The following RGS7BP variants were observed in gnomAD, a reference collection of about 807,000 sequenced individuals.
RGS7BP encodes the protein regulator of G protein signaling 7-binding protein.
In RGS7BP, 9 loss-of-function variants were observed where a neutral mutation model predicts 31.3. The ratio of observed to expected loss-of-function variants is 0.29; its 90% confidence interval spans 0.17 to 0.50. The LOEUF (loss-of-function observed/expected upper bound fraction) is 0.50. Among genes scored for constraint, RGS7BP ranks in the 20% least tolerant of loss-of-function variants. The probability of loss-of-function intolerance (pLI) is 0.98; values close to 1 mark genes in which losing one functional copy is unlikely to be tolerated. For missense variants in RGS7BP, 274 were observed against 322.0 expected, an observed-to-expected ratio of 0.85 and a Z score of 1.14; for synonymous variants, 115 against 120.1, an observed-to-expected ratio of 0.96 and a Z score of 0.28.
At chr5:64,556,599 T>C (rs986142047) in intron 2 of RGS7BP, among the ~76,000 whole-genome samples, 4 of 152,076 alleles carry the variant, frequency 2.6e-5, no homozygotes. Flanking sequence ...AAAAATGACT[T>C]TAATGTCGCC....
chr5:64,607,580 A>T (rs548436305), intron 5 of RGS7BP, among the ~76,000 whole-genome samples: 3 of 152,164 alleles, frequency 2.0e-5, no homozygotes, highest in East Asian at 3.9e-4. Context: ...CTGGGTTATT[A>T]TGATAGGGGG....
At chr5:64,542,758 A>T (rs2111815073) in intron 2 of RGS7BP, among the ~76,000 whole-genome samples, 1 of 152,338 alleles carries the variant, frequency 6.6e-6, no homozygotes, top group Non-Finnish European at 1.5e-5. Flanking sequence ...GAATAATCTG[A>T]GCTCTATGTC....
At chr5:64,588,595 A>G (rs972230835) in intron 3 of RGS7BP, among the ~76,000 whole-genome samples, 13 of 152,214 alleles carry the variant, frequency 8.5e-5, no homozygotes, top group African/African-American at 1.2e-4. Context: ...TGAGTAATAA[A>G]CTACCTTTGT....
intron 2 of RGS7BP, among the ~76,000 whole-genome samples, chr5:64,573,353 AT>A (rs1359060954): frequency 6.6e-6 from 1 of 152,112 alleles, no homozygotes; most frequent in Non-Finnish European, 1.5e-5. Flanking sequence ...TATGGTAGTC[AT>A]TTGTTTAAAT....
intron 3 of RGS7BP, among the ~76,000 whole-genome samples, chr5:64,594,029 C>G (rs559814474): frequency 6.6e-6 from 1 of 152,250 alleles, no homozygotes; most frequent in East Asian, 1.9e-4. Context: ...CAGTTGAGAT[C>G]AATCATGGTA....
intron 2 of RGS7BP, among the ~76,000 whole-genome samples, chr5:64,512,360 C>G (rs577334746): frequency 9.9e-5 from 15 of 152,272 alleles, no homozygotes; most frequent in Non-Finnish European, 2.1e-4. Flanking sequence ...AATTTGTATG[C>G]AGATTGATTC....
At chr5:64,528,498 C>T (rs890101944) in intron 2 of RGS7BP, among the ~76,000 whole-genome samples, 1 of 152,088 alleles carries the variant, frequency 6.6e-6, no homozygotes, top group African/African-American at 2.4e-5. Context: ...CCCCTGTGAG[C>T]CTGAGTTTCC....
At chr5:64,608,398 A>ATTCAACAG (rs1198616201) in intron 5 of RGS7BP, among the ~76,000 whole-genome samples, 1 of 151,996 alleles carries the variant, frequency 6.6e-6, no homozygotes, top group Non-Finnish European at 1.5e-5. Flanking sequence ...AAACTTATTA[A>ATTCAACAG]TTCAACAGCT....
chr5:64,571,316 T>C (rs1742296311), intron 2 of RGS7BP, among the ~76,000 whole-genome samples: 1 of 152,182 alleles, frequency 6.6e-6, no homozygotes, highest in African/African-American at 2.4e-5. Flanking sequence ...TCTTTAACCA[T>C]TTTTCTCTTG....
At chr5:64,548,903 A>G (rs1741724843) in intron 2 of RGS7BP, among the ~76,000 whole-genome samples, 1 of 149,754 alleles carries the variant, frequency 6.7e-6, no homozygotes, top group South Asian at 2.1e-4. Flanking sequence ...AGACCTCATC[A>G]CTAAATACCA....
chr5:64,568,594 A>AT (rs1742225185), intron 2 of RGS7BP, among the ~76,000 whole-genome samples: 1 of 152,070 alleles, frequency 6.6e-6, no homozygotes, highest in South Asian at 2.1e-4. Context: ...TCAACCACCA[A>AT]TGCCCTGAGA....
chr5:64,529,431 T>G (rs1191154388), intron 2 of RGS7BP, among the ~76,000 whole-genome samples: 1 of 152,172 alleles, frequency 6.6e-6, no homozygotes, highest in Non-Finnish European at 1.5e-5. Flanking sequence ...GGTACAGGAA[T>G]GGGAGAAAAG....
intron 5 of RGS7BP, among the ~76,000 whole-genome samples, chr5:64,606,298 T>C (rs565441173): frequency 1.9e-4 from 23 of 122,604 alleles, no homozygotes; most frequent in Non-Finnish European, 3.7e-4. Flanking sequence ...TACAACATTG[T>C]GGTAGGTATT....
intron 3 of RGS7BP, among the ~76,000 whole-genome samples, chr5:64,580,660 T>G (rs1742566369): frequency 6.6e-6 from 1 of 151,992 alleles, no homozygotes; most frequent in African/African-American, 2.4e-5. Context: ...ATTTACCCAA[T>G]GGAAAGAAGT....
chr5:64,563,334 C>T (rs1742096774), intron 2 of RGS7BP, among the ~76,000 whole-genome samples: 1 of 151,984 alleles, frequency 6.6e-6, no homozygotes, highest in South Asian at 2.1e-4. Context: ...CCCCCAAATT[C>T]ATATGTTGAA....
rs1374680970 is a variant in RGS7BP at position 64,601,501 on chromosome 5, T to C, written c.682+3066T>C. 4 of 872,482 alleles carry C rather than the reference T, an allele frequency of 4.6e-6. No individual in the cohort carries two copies. The African/African-American group carries it at 7.3e-5, about 16-fold the overall frequency. The allele number at this position is 872,482 out of a possible 1,614,324, so 54.0% of individuals were successfully genotyped here. ...CAGGAATTTTAATGGTTAGTGATTATGCCTTCATTTTCAGCCTTTTCTTTC... is the reference window on the plus strand; with the variant it reads ...CAGGAATTTTAATGGTTAGTGATTACGCCTTCATTTTCAGCCTTTTCTTTC... On this transcript the variant is annotated intron_variant, in intron 5 of 5. Transcript: ENST00000334025.
chr5:64,602,646 T>A (rs1278352645), intron 5 of RGS7BP, among the ~76,000 whole-genome samples: 1 of 152,162 alleles, frequency 6.6e-6, no homozygotes, highest in Non-Finnish European at 1.5e-5. Context: ...CCAAATGCCA[T>A]ATGCCTCCTC....
At chr5:64,549,742 C>T (rs1169915681) in intron 2 of RGS7BP, among the ~76,000 whole-genome samples, 1 of 152,168 alleles carries the variant, frequency 6.6e-6, no homozygotes, top group Non-Finnish European at 1.5e-5. Context: ...TTGGTGTTCT[C>T]TTCAGAACAA....
intron 2 of RGS7BP, among the ~76,000 whole-genome samples, chr5:64,537,185 T>G (rs928609517): frequency 6.6e-5 from 10 of 152,196 alleles, no homozygotes; most frequent in Admixed American, 2.0e-4. Context: ...TGTCCAATCT[T>G]TTGGCTTCCC....
Sources: allele counts gnomAD v4.1 joint callset (sites outside exome capture counted in the v4.1 genomes callset), GRCh38; gene constraint gnomAD v4.1.1; transcripts MANE v1.5; gene names NCBI Gene and HGNC (gene_info 2026-07-23, HGNC 2026-07-21).